Variants in ICA1 observed in about 807,000 individuals in gnomAD.
ICA1 encodes 69 kDa islet cell autoantigen.
ICA1 carries 40 observed loss-of-function variants against 71.0 expected under a neutral mutation model. The observed-to-expected ratio is 0.56, with a 90% CI of 0.44 to 0.73. ICA1 has a LOEUF of 0.73. Ranked by LOEUF, ICA1 falls within the 30% of genes least tolerant of loss-of-function variation. The probability of loss-of-function intolerance (pLI) is 0.00; values close to 1 mark genes in which losing one functional copy is unlikely to be tolerated. For synonymous variants in ICA1, 207 were observed against 209.5 expected (o/e 0.99, Z 0.10); for missense variants, 578 against 576.5 (o/e 1.00, Z -0.03).
rs144266973 is a variant in ICA1 at position 8,119,581 on chromosome 7, C to T, written c.1331-5537G>A. Among the ~76,000 whole-genome samples the T allele has an allele frequency of 1.6e-4, 25 of 152,072 alleles. No individual in the cohort carries two copies. The East Asian group carries it at 4.4e-3, about 27-fold the overall frequency. On this transcript the variant is annotated intron_variant, in intron 13 of 13. Transcript: ENST00000402384. ...AAGCCAGAGGCCGGGTGTGGTGGCT[C>T]ACGTCTGTAATCCCAGCACTTTGGG...
chr7:8,222,428 A>G lies in ICA1; in HGVS notation c.257-1030T>C, dbSNP rs1447753092. 1.3e-5 allele frequency among the ~76,000 whole-genome samples: 2 copies of G among 152,190 alleles called. No homozygotes were observed. The highest frequency in any genetic ancestry group is 2.9e-5 in the Non-Finnish European group (2 of 68,034). On this transcript the variant is annotated intron_variant, in intron 4 of 13. Transcript: ENST00000402384. This position sits in a 1 kb window ranked among gnomAD's most constrained non-coding sequence, Gnocchi z 4.8. Reference sequence around the variant, plus strand: ...TTCCTATTTCTGTATTGATGTATTTACATACCCTGTGTCTCTAAAACTGCT... The same window carrying G: ...TTCCTATTTCTGTATTGATGTATTTGCATACCCTGTGTCTCTAAAACTGCT...
intron 1 of ICA1, among the ~76,000 whole-genome samples, chr7:8,253,203 C>G (rs146936920): frequency 1.7e-4 from 26 of 152,340 alleles, no homozygotes; most frequent in African/African-American, 5.3e-4. Context: ...TACCCTTAAA[C>G]AGTTATTTCT....
chr7:8,216,095 A>C (rs957849525), intron 6 of ICA1, among the ~76,000 whole-genome samples: 1 of 152,232 alleles, frequency 6.6e-6, no homozygotes, highest in South Asian at 2.1e-4. Flanking sequence ...AAACCACATA[A>C]GTCAATTTCC....
At position 8,234,698 on chromosome 7, in the gene ICA1, T is replaced by G. The variant is rs1406092023; in HGVS notation, c.17+1212A>C. ...GACTTTCATGGTCTACTTTATATCT[T>G]TCTGCATTATTTAAAAGTCGTATTA... is the stretch of plus-strand genomic sequence containing the variant. On this transcript the variant is annotated intron_variant, in intron 2 of 13. Transcript: ENST00000402384. The surrounding 1 kb of genome is among the most constrained non-coding windows in gnomAD (Gnocchi z 4.5). Among the ~76,000 whole-genome samples, 1 of 152,228 alleles carries G rather than the reference T, an allele frequency of 6.6e-6. No homozygotes were observed. Among genetic ancestry groups the G allele is most frequent in the East Asian group, 1.9e-4 (1 of 5,206 alleles).
At chr7:8,233,865 T>C (rs1337598916) in intron 2 of ICA1, among the ~76,000 whole-genome samples, 2 of 152,186 alleles carry the variant, frequency 1.3e-5, no homozygotes, top group African/African-American at 4.8e-5. Flanking sequence ...GCTTAAAATA[T>C]AGATGAAAAG....
At chr7:8,217,294 C>T (rs1290442960) in intron 6 of ICA1, among the ~76,000 whole-genome samples, 1 of 152,184 alleles carries the variant, frequency 6.6e-6, no homozygotes, top group African/African-American at 2.4e-5. Flanking sequence ...CAAGATAAAA[C>T]TTGACTTTAA....
rs796118326 is a variant in ICA1, at chr7:8,143,770, G to A, written c.902+105C>T. 2.4e-5 allele frequency: 17 copies of A among 709,978 alleles called. No individual in the cohort carries two copies. In the African/African-American group the frequency reaches 2.8e-4, roughly 12 times the overall value. 44.0% of individuals were successfully genotyped at this position (709,978 alleles called of 1,614,324 possible). A position where few individuals can be genotyped will look rare whatever the true frequency, so the allele number is the denominator to read the frequency against. On this transcript the variant is annotated intron_variant, in intron 9 of 13. Transcript: ENST00000402384. ...TACATCTACTCTGAGAAGTGAGGAA[G>A]TAAGACAAGTCTGCGTCTGAGGCCC...
In ICA1 at chr7:8,130,119, G is replaced by A. The variant is rs1790899956; in HGVS notation, c.1061-1977C>T. 6.6e-6 allele frequency among the ~76,000 whole-genome samples: 1 copy of A among 152,242 alleles called. No individual in the cohort carries two copies. Among genetic ancestry groups the A allele is most frequent in the East Asian group, 1.9e-4 (1 of 5,184 alleles). ...CAGTCTATCATTGTTGGACATTTGG[G>A]TTGGTTCCAAGTCTTTGCTGCTAGT... On this transcript the variant is annotated intron_variant, in intron 12 of 13. Coordinates refer to ENST00000402384, the MANE Select transcript of ICA1 (RefSeq NM_001136020.3). The surrounding 1 kb of genome is among the most constrained non-coding windows in gnomAD (Gnocchi z 4.2).
At chr7:8,197,413 C>T (rs1788023135) in intron 6 of ICA1, among the ~76,000 whole-genome samples, 2 of 151,282 alleles carry the variant, frequency 1.3e-5, no homozygotes, top group African/African-American at 4.9e-5. Context: ...ATTAGCCGGG[C>T]ATGGCGGTGC....
At chr7:8,116,751 T>C (rs1326657824) in intron 13 of ICA1, among the ~76,000 whole-genome samples, 1 of 152,252 alleles carries the variant, frequency 6.6e-6, no homozygotes, top group Non-Finnish European at 1.5e-5. Flanking sequence ...GCACATCTTC[T>C]CGACTTCCAA....
At chr7:8,192,507 C>T (rs981903235) in intron 6 of ICA1, among the ~76,000 whole-genome samples, 1 of 152,158 alleles carries the variant, frequency 6.6e-6, no homozygotes, top group Non-Finnish European at 1.5e-5. Context: ...ATGGTGTTTG[C>T]CAGGTTTCTC....
chr7:8,201,259 G>T (rs1226470950), intron 6 of ICA1, among the ~76,000 whole-genome samples: 1 of 152,172 alleles, frequency 6.6e-6, no homozygotes, highest in Admixed American at 6.5e-5. Context: ...TCTCAAGTCT[G>T]CAGCAAGACA....
At chr7:8,163,525 A>C (rs1349878285) in intron 6 of ICA1, among the ~76,000 whole-genome samples, 1 of 152,224 alleles carries the variant, frequency 6.6e-6, no homozygotes, top group Non-Finnish European at 1.5e-5. Context: ...GGTATATTTC[A>C]GATCAGCGAA....
At chr7:8,201,409 C>T (rs1360211853) in intron 6 of ICA1, among the ~76,000 whole-genome samples, 7 of 152,152 alleles carry the variant, frequency 4.6e-5, no homozygotes, top group Non-Finnish European at 8.8e-5. Context: ...ACAAATCCTG[C>T]CCACCCGTTT....
intron 1 of ICA1, among the ~76,000 whole-genome samples, chr7:8,249,313 A>G (rs977413447): frequency 2.0e-5 from 3 of 152,242 alleles, no homozygotes; most frequent in Admixed American, 6.5e-5. Context: ...TATTCTAGGC[A>G]GAGGAAATGC....
intron 4 of ICA1, chr7:8,227,567 C>A: frequency 2.9e-6 from 1 of 347,638 alleles, no homozygotes; most frequent in South Asian, 2.3e-5. Context: ...AATACTGCCT[C>A]TACATACAAT....
intron 6 of ICA1, among the ~76,000 whole-genome samples, chr7:8,182,370 G>T (rs1339857418): frequency 6.6e-6 from 1 of 152,156 alleles, no homozygotes; most frequent in Non-Finnish European, 1.5e-5. Flanking sequence ...TGAGTGCCTG[G>T]TTCACAATTT....
intron 8 of ICA1, among the ~76,000 whole-genome samples, chr7:8,151,274 T>C (rs1341626638): frequency 7.2e-5 from 11 of 152,200 alleles, no homozygotes; most frequent in Non-Finnish European, 1.5e-4. Context: ...CAACATGCCA[T>C]TGTGAAGGCT....
chr7:8,241,175 G>A (rs1477538163), intron 1 of ICA1, among the ~76,000 whole-genome samples: 1 of 152,156 alleles, frequency 6.6e-6, no homozygotes, highest in African/African-American at 2.4e-5. Context: ...GAAAGGTTGG[G>A]TTACCCACAA....
Sources: allele counts gnomAD v4.1 joint callset (sites outside exome capture counted in the v4.1 genomes callset), GRCh38; gene constraint gnomAD v4.1.1; non-coding constraint Gnocchi (gnomAD v3.1); transcripts MANE v1.5; gene names NCBI Gene and HGNC (gene_info 2026-07-23, HGNC 2026-07-21).